Variants in TP73 observed in about 807,000 individuals in gnomAD.
The protein encoded by TP73 is p53-like transcription factor.
A neutral mutation model predicts 62.5 loss-of-function variants in TP73; 25 were observed. The observed-to-expected ratio is 0.40, with a 90% CI of 0.29 to 0.56. TP73 has a LOEUF of 0.56. Among genes scored for constraint, TP73 ranks in the 20% least tolerant of loss-of-function variants. TP73 has a pLI of 0.46. For synonymous variants in TP73, 423 were observed against 377.5 expected, an observed-to-expected ratio of 1.12 and a Z score of -1.40; for missense variants, 754 against 913.3, an observed-to-expected ratio of 0.83 and a Z score of 2.25.
At chr1:3,723,545 C>A in intron 6 of TP73, 76 bp downstream of exon 6, 1 of 726,910 alleles carries the variant, frequency 1.4e-6, no homozygotes, top group Non-Finnish European at 2.4e-6. Context: ...CCTGAGGCAG[C>A]CCCTGTCCCT....
chr1:3,663,859 G>A lies in TP73; in HGVS notation c.-34+11218G>A, dbSNP rs370052700. Among the ~76,000 whole-genome samples, 9 of 152,210 alleles carry A rather than the reference G, an allele frequency of 5.9e-5. No homozygotes were observed. The highest frequency in any genetic ancestry group is 2.2e-4 in the African/African-American group (9 of 41,452). On this transcript the variant is annotated intron_variant, in intron 1 of 13. Transcript: ENST00000378295. The surrounding 1 kb of genome is among the most constrained non-coding windows in gnomAD (Gnocchi z 4.7). ...GAGAACTCTTTTATGGCCTGCCTCA[G>A]GGTGACAGGGAGCAGGAGAGAGCAT...
intron 3 of TP73, among the ~76,000 whole-genome samples, chr1:3,706,894 C>G (rs1022958532): frequency 6.6e-6 from 1 of 152,142 alleles, no homozygotes; most frequent in Non-Finnish European, 1.5e-5. Context: ...GAGGCTTTGC[C>G]GGCCCCTGAG....
At chr1:3,689,788 C>T (rs1473238857) in intron 3 of TP73, among the ~76,000 whole-genome samples, 3 of 152,112 alleles carry the variant, frequency 2.0e-5, no homozygotes, top group Non-Finnish European at 4.4e-5. Context: ...CTCGTGAGAG[C>T]CACGGCGCCC....
chr1:3,656,783 G>C (rs540114994), intron 1 of TP73, among the ~76,000 whole-genome samples: 1 of 152,224 alleles, frequency 6.6e-6, no homozygotes, highest in Non-Finnish European at 1.5e-5. Flanking sequence ...CAGGGGTAGA[G>C]AGTCCAGGGT....
chr1:3,709,206 T>C (rs1639930135), intron 4 of TP73, among the ~76,000 whole-genome samples: 1 of 152,076 alleles, frequency 6.6e-6, no homozygotes, highest in African/African-American at 2.4e-5. Flanking sequence ...CTCCCCCAGC[T>C]GCTGGCTCCG....
rs1329156569 is a variant in TP73, at chr1:3,727,534, G to A, written c.843-94G>A. The A allele has an allele frequency of 4.6e-6, 7 of 1,513,568 alleles. No homozygotes were observed. In the African/African-American group the frequency reaches 9.6e-5, roughly 21 times the overall value. The allele number at this position is 1,513,568 out of a possible 1,614,324, so 93.8% of individuals were successfully genotyped here. On this transcript the variant is annotated intron_variant, in intron 7 of 13. Transcript: ENST00000378295. ...TCTGTGGTGACCGAGGGCTCTCAAG[G>A]CCGGTCCTGCAGGGTCCGAGGTGGG...
chr1:3,691,020 G>A (rs997714642), intron 3 of TP73: 6 of 1,543,092 alleles, frequency 3.9e-6, no homozygotes, highest in Non-Finnish European at 5.3e-6. Context: ...GGGTTCAGAG[G>A]GGCATCCTTC....
At chr1:3,657,370 C>G (rs542275673) in intron 1 of TP73, among the ~76,000 whole-genome samples, 35 of 152,340 alleles carry the variant, frequency 2.3e-4, no homozygotes, top group African/African-American at 8.2e-4. Flanking sequence ...CTCTGTGTCC[C>G]TGTGTGTCTC....
rs536303321 is a variant in TP73 at position 3,707,680 on chromosome 1, C to A, written c.318C>A (p.Phe106Leu). 2 of 1,613,276 alleles carry A rather than the reference C, an allele frequency of 1.2e-6. No homozygotes were observed. Among genetic ancestry groups the A allele is most frequent in the African/African-American group, 2.7e-5 (2 of 75,058 alleles). Reference protein sequence around the residue: ...HSPYAQPSSTFDTMSPAPVIP... With the variant: ...HSPYAQPSSTLDTMSPAPVIP... ...CCTACGCACAACCCAGCTCCACCTT[C>A]GACACCATGTCGCCGGCGCCTGTCA... The change falls in exon 4 of 14, where the codon TTC becomes TTA. Residue 106 changes from phenylalanine to leucine, a missense_variant. By Grantham distance (22) the Phe-to-Leu change is conservative (BLOSUM62 0). Coordinates refer to ENST00000378295, the MANE Select transcript of TP73 (RefSeq NM_005427.4).
In TP73 at chr1:3,659,717, G is replaced by A. The variant is rs532465613; in HGVS notation, c.-34+7076G>A. Among the ~76,000 whole-genome samples, 55 of 152,052 alleles carry A rather than the reference G, an allele frequency of 3.6e-4. No homozygotes were observed. In the East Asian group the frequency reaches 9.1e-3, roughly 25 times the overall value. ...TATTTTTGAGACAGAGTTCCACTCC[G>A]TCGCTCAAGGCTAGAGTGTAGTGGC... On this transcript the variant is annotated intron_variant, in intron 1 of 13. Coordinates refer to ENST00000378295, the MANE Select transcript of TP73 (RefSeq NM_005427.4).
Position 3,730,282 on chromosome 1 carries a change from C to A in TP73, c.1345+134C>A. On this transcript the variant is annotated intron_variant, in intron 11 of 13. Transcript: ENST00000378295. ...GGCTGGCTCCTTCCAGCGGTTCCACCCTCTGGGCAGGAGGCGCAGCCACGG... is the reference window on the plus strand; with the variant it reads ...GGCTGGCTCCTTCCAGCGGTTCCACACTCTGGGCAGGAGGCGCAGCCACGG... 3.5e-6 allele frequency: 4 copies of A among 1,129,656 alleles called. No individual in the cohort carries two copies. In the South Asian group the frequency reaches 6.7e-5, roughly 19 times the overall value. 70.0% of individuals were successfully genotyped at this position (1,129,656 alleles called of 1,614,324 possible).
intron 9 of TP73, 142 bp from the exon 10 acceptor site, chr1:3,729,185 G>T: frequency 8.6e-7 from 1 of 1,156,990 alleles, no homozygotes; most frequent in East Asian, 2.5e-5. Context: ...AGAAGATCAG[G>T]GGATCCTGAG....
chr1:3,722,268 G>A, intron 5 of TP73, 61 bp downstream of exon 5: 1 of 1,577,694 alleles, frequency 6.3e-7, no homozygotes, highest in Non-Finnish European at 8.6e-7. Flanking sequence ...GGACAGCACA[G>A]CCGGGGGCTG....
rs2273953 is a variant in TP73, at chr1:3,682,336, G to A, written c.-30G>A. ...TGTCATTCCTTCCTTCCTGCAGAGC[G>A]AGCTGCCCTCGGAGGCCGGCGTGGG... is the stretch of plus-strand genomic sequence containing the variant. On this transcript the variant is annotated 5_prime_UTR_variant, in exon 2 of 14. Transcript: ENST00000378295. 0.2 allele frequency: 305,159 copies of A among 1,494,602 alleles called. 32,109 individuals carry two copies. Among genetic ancestry groups the A allele is most frequent in the Admixed American group, 0.28 (13,339 of 47,608 alleles). The allele number at this position is 1,494,602 out of a possible 1,614,324, so 92.6% of individuals were successfully genotyped here. A position where few individuals can be genotyped will look rare whatever the true frequency, so the allele number is the denominator to read the frequency against.
intron 3 of TP73, among the ~76,000 whole-genome samples, chr1:3,691,168 G>A (rs1645815772): frequency 6.6e-6 from 1 of 152,124 alleles, no homozygotes; most frequent in Admixed American, 6.5e-5. Context: ...CCACCTGCTG[G>A]GCAGGGACCC....
chr1:3,725,951 G>A (rs1196092924), intron 6 of TP73, among the ~76,000 whole-genome samples: 3 of 133,184 alleles, frequency 2.3e-5, no homozygotes, highest in East Asian at 4.8e-4. Flanking sequence ...GATAATGGGG[G>A]GAGTGGATGG....
chr1:3,712,902 A>G (rs530570750), intron 4 of TP73, among the ~76,000 whole-genome samples: 11 of 151,838 alleles, frequency 7.2e-5, no homozygotes, highest in African/African-American at 2.4e-4. Flanking sequence ...CGGCCCCTAC[A>G]GGTCCCTGGA....
Position 3,729,263 on chromosome 1 carries a change from G to A in TP73, c.1075-64G>A, listed in dbSNP as rs375286185. The A allele has an allele frequency of 1.2e-4, 189 of 1,603,628 alleles. 2 individuals carry two copies. The East Asian group carries it at 2.4e-3, about 20-fold the overall frequency. Reference sequence around the variant, plus strand: ...GCCAAGCCCAGGTCCTCCTGAGGCTGCGGCCACCCCCCTCCCGTGGGGGTC... The same window carrying A: ...GCCAAGCCCAGGTCCTCCTGAGGCTACGGCCACCCCCCTCCCGTGGGGGTC... On this transcript the variant is annotated intron_variant, in intron 9 of 13. Coordinates refer to ENST00000378295, the MANE Select transcript of TP73 (RefSeq NM_005427.4).
intron 3 of TP73, among the ~76,000 whole-genome samples, chr1:3,686,902 A>G (rs552536881): frequency 6.6e-6 from 1 of 152,248 alleles, no homozygotes; most frequent in East Asian, 1.9e-4. Flanking sequence ...GTCACCCACG[A>G]TGTGAGGATG....
Sources: gnomAD v4.1 joint callset for allele counts (sites outside exome capture counted in the v4.1 genomes callset) on GRCh38, gnomAD v4.1.1 for gene constraint, Gnocchi (gnomAD v3.1) non-coding constraint, MANE v1.5 for transcripts, NCBI Gene and HGNC (gene_info 2026-07-23, HGNC 2026-07-21) for gene names.